PTPN21: variants seen among roughly 807,000 people sequenced by gnomAD.
PTPN21 encodes the protein tyrosine-protein phosphatase non-receptor type 21.
In PTPN21, 77 loss-of-function variants were observed where a neutral mutation model predicts 131.8. That is an observed-to-expected ratio of 0.58 (90% CI 0.49 to 0.71). The LOEUF (loss-of-function observed/expected upper bound fraction) is 0.71. PTPN21 is among the 30% of genes least tolerant of loss of function. The pLI is 0.00. For missense variants in PTPN21, 1,552 were observed against 1,527.1 expected (o/e 1.02, Z -0.27); for synonymous variants, 715 against 621.3 (o/e 1.15, Z -2.24).
intron 2 of PTPN21, among the ~76,000 whole-genome samples, chr14:88,525,950 A>G (rs573103433): frequency 6.6e-6 from 1 of 152,334 alleles, no homozygotes; most frequent in South Asian, 2.1e-4. Context: ...CCAGAAGACA[A>G]AAGGTCAAAT....
chr14:88,489,509 G>A (rs1372638577), intron 10 of PTPN21, among the ~76,000 whole-genome samples: 1 of 152,028 alleles, frequency 6.6e-6, no homozygotes, highest in African/African-American at 2.4e-5. Context: ...CAGGCATGGT[G>A]GCACACGCTT....
intron 3 of PTPN21, among the ~76,000 whole-genome samples, chr14:88,508,831 C>T (rs910506455): frequency 1.3e-5 from 2 of 152,152 alleles, no homozygotes; most frequent in Non-Finnish European, 2.9e-5. Context: ...TGTTAAGATG[C>T]TTTCTTAATA....
chr14:88,513,587 A>G (rs1005283031), intron 3 of PTPN21: 2 of 152,208 alleles, frequency 1.3e-5, no homozygotes, highest in Non-Finnish European at 2.9e-5. Flanking sequence ...TTTTGCAAGT[A>G]AAAACTCCAG....
At chr14:88,546,111 TTTTAA>T (rs2078775765) in intron 2 of PTPN21, among the ~76,000 whole-genome samples, 3 of 150,542 alleles carry the variant, frequency 2.0e-5, no homozygotes, top group East Asian at 3.9e-4. Flanking sequence ...ACCACGTTGC[TTTTAA>T]TTTAATACAA....
intron 2 of PTPN21, among the ~76,000 whole-genome samples, chr14:88,528,889 T>C (rs1184200234): frequency 1.3e-5 from 2 of 152,166 alleles, no homozygotes; most frequent in African/African-American, 4.8e-5. Context: ...GGATGAGTCT[T>C]AGGGGTTTTC....
chr14:88,479,347 T>A lies in PTPN21; in HGVS notation c.2084A>T (p.Tyr695Phe). ...GTCCGACAGGGACTTCTTATGGCCG[T>A]ACCTCAAGCCCTCCGCCTCCTCCGG... The part of the protein sequence containing the change: ...EGPEEAEGLR[Y>F]GHKKSLSDAT... The change falls in exon 13 of 19, where the codon TAC becomes TTC. Residue 695 changes from tyrosine to phenylalanine, a missense_variant. Physicochemically the swap from Tyr to Phe is conservative, Grantham distance 22. Coordinates refer to ENST00000556564, the MANE Select transcript of PTPN21 (RefSeq NM_007039.4). The A allele has an allele frequency of 6.2e-7, 1 of 1,613,294 alleles. No homozygotes were observed. The highest frequency in any genetic ancestry group is 8.5e-7 in the Non-Finnish European group (1 of 1,179,616).
intron 6 of PTPN21, among the ~76,000 whole-genome samples, chr14:88,502,188 G>A (rs1449858612): frequency 6.6e-6 from 1 of 152,050 alleles, no homozygotes; most frequent in Non-Finnish European, 1.5e-5. Flanking sequence ...CTCATCTTCC[G>A]ATGCTCCCCG....
chr14:88,522,297 G>T (rs1057477086), intron 2 of PTPN21, among the ~76,000 whole-genome samples: 4 of 151,702 alleles, frequency 2.6e-5, no homozygotes, highest in African/African-American at 9.7e-5. Context: ...GTATGATGGT[G>T]GGTGCCTGTA....
intron 13 of PTPN21, among the ~76,000 whole-genome samples, chr14:88,478,577 A>C (rs2140095146): frequency 6.6e-6 from 1 of 152,332 alleles, no homozygotes; most frequent in South Asian, 2.1e-4. Flanking sequence ...TGGGTGGCTA[A>C]AGCAATCGTG....
intron 2 of PTPN21, among the ~76,000 whole-genome samples, chr14:88,527,858 A>G (rs1016882894): frequency 1.3e-5 from 2 of 152,164 alleles, no homozygotes; most frequent in Non-Finnish European, 2.9e-5. Context: ...ATCCAGTTTC[A>G]TTATTATACA....
chr14:88,490,633 T>A (rs553772958), intron 10 of PTPN21, among the ~76,000 whole-genome samples: 34 of 152,236 alleles, frequency 2.2e-4, no homozygotes, highest in South Asian at 1.0e-3. Flanking sequence ...GTAAACTCTT[T>A]CCCTTTCCAG....
intron 13 of PTPN21, among the ~76,000 whole-genome samples, chr14:88,478,318 A>G (rs1182036391): frequency 6.6e-6 from 1 of 152,198 alleles, no homozygotes; most frequent in African/African-American, 2.4e-5. Context: ...TCTCAGCTGA[A>G]TTCATCTTTC....
chr14:88,539,922 A>G (rs1488802844), intron 2 of PTPN21, among the ~76,000 whole-genome samples: 1 of 152,214 alleles, frequency 6.6e-6, no homozygotes, highest in Non-Finnish European at 1.5e-5. Context: ...ATAGGTGTCA[A>G]TCATAAAAAC....
At chr14:88,501,885 T>C (rs2078014184) in intron 6 of PTPN21, among the ~76,000 whole-genome samples, 1 of 151,634 alleles carries the variant, frequency 6.6e-6, no homozygotes, top group African/African-American at 2.4e-5. Flanking sequence ...CTTGGAAGGC[T>C]GAGGTGGGAA....
intron 10 of PTPN21, among the ~76,000 whole-genome samples, chr14:88,486,899 C>G (rs1181076232): frequency 6.6e-6 from 1 of 150,882 alleles, no homozygotes; most frequent in Non-Finnish European, 1.5e-5. Context: ...TCACTTGAAC[C>G]CAGGAGGCAG....
chr14:88,522,330 A>C (rs955396359), intron 2 of PTPN21, among the ~76,000 whole-genome samples: 1 of 150,694 alleles, frequency 6.6e-6, no homozygotes, highest in African/African-American at 2.4e-5. Flanking sequence ...CAGGAGGCTG[A>C]GACAAGAGAA....
intron 2 of PTPN21, among the ~76,000 whole-genome samples, chr14:88,538,131 T>C (rs1242379902): frequency 3.3e-5 from 5 of 152,232 alleles, no homozygotes; most frequent in East Asian, 1.9e-4. Context: ...ATATGCTCTA[T>C]GTGCTACCAT....
intron 3 of PTPN21, among the ~76,000 whole-genome samples, chr14:88,510,153 G>T (rs937326778): frequency 6.6e-6 from 1 of 152,012 alleles, no homozygotes; most frequent in African/African-American, 2.4e-5. Flanking sequence ...TTCCATATTT[G>T]CTCTAACTTA....
chr14:88,554,536 C>T (rs2078900493), intron 1 of PTPN21, 115 bp downstream of exon 1: 1 of 151,956 alleles, frequency 6.6e-6, no homozygotes, highest in Non-Finnish European at 1.5e-5. Context: ...CCGCCGCGCC[C>T]CATTCTCCGG....
Sources: allele counts gnomAD v4.1 joint callset (sites outside exome capture counted in the v4.1 genomes callset), GRCh38; gene constraint gnomAD v4.1.1; transcripts MANE v1.5; gene names NCBI Gene and HGNC (gene_info 2026-07-23, HGNC 2026-07-21).